C2: variants seen among roughly 807,000 people sequenced by gnomAD.
C2 encodes the protein C3/C5 convertase.
In C2, 64 loss-of-function variants were observed where a neutral mutation model predicts 85.2. That is an observed-to-expected ratio of 0.75 (90% confidence interval 0.61 to 0.92). The LOEUF is 0.92. C2 is among the 40% of genes least tolerant of loss of function. The pLI, the probability that C2 is intolerant of heterozygous loss-of-function variation, is 0.00. For missense variants in C2, 820 were observed against 971.6 expected, an observed-to-expected ratio of 0.84 and a Z score of 2.07; for synonymous variants, 311 against 370.8, an observed-to-expected ratio of 0.84 and a Z score of 1.85.
intron 9 of C2, among the ~76,000 whole-genome samples, chr6:31,939,589 G>C (rs548373005): frequency 6.7e-6 from 1 of 148,590 alleles, no homozygotes; most frequent in Non-Finnish European, 1.5e-5. Flanking sequence ...CACCCATGCC[G>C]GCCCAGAAGC....
chr6:31,935,609 A>T lies in C2; in HGVS notation c.850-314A>T, dbSNP rs1770342455. The stretch of plus-strand genomic sequence containing the variant: ...CTCAGCCTCCTGAGTAGCTGGGATT[A>T]TAGGTGCTTGCCACCATACCAGGCT... On this transcript the variant is annotated intron_variant, in intron 6 of 17. Coordinates refer to ENST00000299367, the MANE Select transcript of C2 (RefSeq NM_000063.6). This position sits in a 1 kb window ranked among gnomAD's most constrained non-coding sequence, Gnocchi z 4.3. 6.6e-6 allele frequency among the ~76,000 whole-genome samples: 1 copy of T among 152,044 alleles called. No homozygotes were observed. Among genetic ancestry groups the T allele is most frequent in the Non-Finnish European group, 1.5e-5 (1 of 67,994 alleles).
chr6:31,926,678 A>G (rs1469548033), upstream of C2, among the ~76,000 whole-genome samples: 1 of 151,160 alleles, frequency 6.6e-6, no homozygotes, highest in Non-Finnish European at 1.5e-5. Flanking sequence ...TCTGTTGCCC[A>G]GGCTGGAGTG....
chr6:31,933,506 C>G, intron 3 of C2, 104 bp from the exon 4 acceptor site: 1 of 1,227,640 alleles, frequency 8.1e-7, no homozygotes, highest in Non-Finnish European at 1.2e-6. Context: ...GGGTGCATCC[C>G]TGGGTTGGAA....
Position 31,906,022 on chromosome 6 carries a change from A to G in C2, c.73+4883A>G, listed in dbSNP as rs898905373. ...ATGCTTAGCACGTACTAGAATAACC[A>G]TATTTCCTGAGCAATCTATAGGAAA... On this transcript the variant is annotated intron_variant, in intron 1 of 3. Coordinates refer to the C2 transcript ENST00000452202. 5.9e-5 allele frequency among the ~76,000 whole-genome samples: 9 copies of G among 152,024 alleles called. 1 individual carries two copies. The highest frequency in any genetic ancestry group is 2.2e-4 in the African/African-American group (9 of 41,338).
Position 31,935,902 on chromosome 6 carries a change from C to T in C2, c.850-21C>T, listed in dbSNP as rs1315388974. The T allele has an allele frequency of 5.6e-6, 9 of 1,612,636 alleles. No individual in the cohort carries two copies. The South Asian group carries it at 7.7e-5, about 14-fold the overall frequency. ...TTTGGCTTCAGGGCCCTTTACGCTG[C>T]CTCTCACTTGCCCCGCACAGATCTT... On this transcript the variant is annotated intron_variant, in intron 6 of 17. Transcript: ENST00000299367. This position sits in a 1 kb window ranked among gnomAD's most constrained non-coding sequence, Gnocchi z 4.3.
At chr6:31,911,382 A>T (rs1049085805) in intron 1 of C2, among the ~76,000 whole-genome samples, 2 of 152,222 alleles carry the variant, frequency 1.3e-5, no homozygotes, top group Non-Finnish European at 2.9e-5. Context: ...AAGACTTTTA[A>T]AAAAAGATCC....
chr6:31,943,489 G>T lies in C2; in HGVS notation c.1529G>T (p.Arg510Leu), dbSNP rs45476300. 6.2e-7 allele frequency: 1 copy of T among 1,612,932 alleles called. No homozygotes were observed. Among genetic ancestry groups the T allele is most frequent in the African/African-American group, 1.3e-5 (1 of 74,926 alleles). ...QWVLTAAHCF[R>L]DGNDHSLWRV... ...GTCCTGACAGCAGCTCATTGCTTCC[G>T]CGATGGCAACGACCACTCCCTGTGG... Residue 510 changes from arginine (R) to leucine (L), a missense_variant, in exon 12 of 18, where the codon CGC becomes CTC. Physicochemically the swap from Arg to Leu is moderately radical, Grantham distance 102. Transcript: ENST00000299367. The surrounding 1 kb of genome is among the most constrained non-coding windows in gnomAD (Gnocchi z 6.4).
chr6:31,933,669 G>C lies in C2; in HGVS notation c.502G>C (p.Gly168Arg), dbSNP rs1770120410. ...CGCAGTGCGGACAGGCTTCCGCTTT[G>C]GTCATGGGGACAAGGTCCGCTATCG... ...LGAVRTGFRF[G>R]HGDKVRYRCS... The change falls in exon 4 of 18, where the codon GGT (glycine) becomes CGT (arginine). Residue 168 changes from glycine (G) to arginine (R), a missense_variant. Gly to Arg is a moderately radical substitution (Grantham distance 125, BLOSUM62 -2). Coordinates refer to ENST00000299367, the MANE Select transcript of C2 (RefSeq NM_000063.6). 1 of 1,613,126 alleles carries C rather than the reference G, an allele frequency of 6.2e-7. No homozygotes were observed. Among genetic ancestry groups the C allele is most frequent in the Admixed American group, 1.7e-5 (1 of 60,022 alleles).
intron 1 of C2, among the ~76,000 whole-genome samples, chr6:31,903,056 G>A (rs1284550005): frequency 1.3e-5 from 2 of 152,086 alleles, no homozygotes; most frequent in Non-Finnish European, 2.9e-5. Flanking sequence ...AGTCTCCACA[G>A]CTTCAGCGAC....
At chr6:31,934,465 T>C (rs1770245208) in intron 6 of C2, 166 bp downstream of exon 6, 1 of 1,235,996 alleles carries the variant, frequency 8.1e-7, no homozygotes. Context: ...TATACAATCA[T>C]AATTTTTATT....
At chr6:31,914,189 G>A (rs1320714698) in intron 1 of C2, among the ~76,000 whole-genome samples, 1 of 151,940 alleles carries the variant, frequency 6.6e-6, no homozygotes, top group Admixed American at 6.6e-5. Flanking sequence ...GGGATTTCAG[G>A]TGTGAGCCAC....
intron 1 of C2, among the ~76,000 whole-genome samples, chr6:31,902,416 C>T (rs1767417112): frequency 6.6e-6 from 1 of 152,030 alleles, no homozygotes; most frequent in Non-Finnish European, 1.5e-5. Context: ...GCGCGCGCAC[C>T]CGTTCTCTCG....
At chr6:31,924,077 G>A (rs1769134665), upstream of C2, among the ~76,000 whole-genome samples, 1 of 152,092 alleles carries the variant, frequency 6.6e-6, no homozygotes, top group Admixed American at 6.5e-5. Flanking sequence ...TGGGATTACA[G>A]GCGTGAACCA....
At chr6:31,924,207 T>A (rs114580860), upstream of C2, among the ~76,000 whole-genome samples, 387 of 152,374 alleles carry the variant, frequency 2.5e-3, 1 homozygote, top group African/African-American at 8.7e-3. Flanking sequence ...TAAACACACT[T>A]CTCTGAGTGT....
At chr6:31,937,166 G>A (rs963751568) in intron 7 of C2, 153 bp from the exon 8 acceptor site, 9 of 705,634 alleles carry the variant, frequency 1.3e-5, no homozygotes, top group East Asian at 5.4e-5. Context: ...CCAAGATCAC[G>A]CCACTATACT....
intron 1 of C2, among the ~76,000 whole-genome samples, chr6:31,903,544 C>T (rs916764348): frequency 6.6e-6 from 1 of 152,016 alleles, no homozygotes; most frequent in Non-Finnish European, 1.5e-5. Context: ...GCAGGAGAAT[C>T]GCTTGAACCT....
At chr6:31,923,364 G>C (rs950364924), upstream of C2, among the ~76,000 whole-genome samples, 1 of 152,230 alleles carries the variant, frequency 6.6e-6, no homozygotes, top group African/African-American at 2.4e-5. Context: ...AATTTCCAAA[G>C]GCATGAACCA....
chr6:31,928,636 T>C, intron 2 of C2, 96 bp from the exon 3 acceptor site: 3 of 1,226,934 alleles, frequency 2.4e-6, no homozygotes, highest in Non-Finnish European at 3.6e-6. Flanking sequence ...CAGTTGACCA[T>C]TCCCATGCAT....
At chr6:31,939,108 AT>A (rs1770673107) in intron 8 of C2, 122 bp from the exon 9 acceptor site, 2 of 777,580 alleles carry the variant, frequency 2.6e-6, no homozygotes, top group African/African-American at 3.4e-5. Flanking sequence ...CTAAAAGTAT[AT>A]TTTGAAGCTC....
Sources: allele counts gnomAD v4.1 joint callset (sites outside exome capture counted in the v4.1 genomes callset), GRCh38; gene constraint gnomAD v4.1.1; non-coding constraint Gnocchi (gnomAD v3.1); transcripts MANE v1.5; gene names NCBI Gene and HGNC (gene_info 2026-07-23, HGNC 2026-07-21).